The following SLIT3 variants were observed in gnomAD, a reference collection of about 807,000 sequenced individuals.
SLIT3 encodes slit guidance ligand 3.
Under a neutral mutation model 184.0 loss-of-function variants are expected in SLIT3, and 68 were observed. That is an observed-to-expected ratio of 0.37 (90% CI 0.30 to 0.45). The LOEUF (loss-of-function observed/expected upper bound fraction) is 0.45. Among genes scored for constraint, SLIT3 ranks in the 20% least tolerant of loss-of-function variants. The pLI, the probability that SLIT3 is intolerant of heterozygous loss-of-function variation, is 1.00. For missense variants in SLIT3, 1,707 were observed against 2,026.0 expected (o/e 0.84, Z 3.02); for synonymous variants, 831 against 828.6 (o/e 1.00, Z -0.05).
intron 12 of SLIT3, among the ~76,000 whole-genome samples, chr5:168,779,037 G>A (rs2113556393): frequency 6.6e-6 from 1 of 152,344 alleles, no homozygotes; most frequent in East Asian, 1.9e-4. Flanking sequence ...ACAGCCACCA[G>A]GTGAACAGCA....
chr5:168,890,854 A>C (rs1205048861), intron 4 of SLIT3, among the ~76,000 whole-genome samples: 1 of 152,226 alleles, frequency 6.6e-6, no homozygotes, highest in African/African-American at 2.4e-5. Flanking sequence ...AAACCTACTG[A>C]ATCAGAAACC....
intron 4 of SLIT3, among the ~76,000 whole-genome samples, chr5:169,021,823 A>G (rs1015903433): frequency 3.3e-5 from 5 of 152,222 alleles, no homozygotes; most frequent in African/African-American, 1.2e-4. Flanking sequence ...TCAAAATTCT[A>G]GACCTGCGTT....
At chr5:168,933,262 G>A (rs1041613318) in intron 4 of SLIT3, among the ~76,000 whole-genome samples, 11 of 152,354 alleles carry the variant, frequency 7.2e-5, no homozygotes, top group African/African-American at 2.6e-4. Flanking sequence ...AGCCAGAGGA[G>A]GCTGGGCGCG....
At chr5:168,702,576 C>G (rs558618189) in intron 26 of SLIT3, among the ~76,000 whole-genome samples, 1 of 152,210 alleles carries the variant, frequency 6.6e-6, no homozygotes, top group East Asian at 1.9e-4. Context: ...GTTTTTACCA[C>G]TTATGAAATG....
Position 168,772,780 on chromosome 5 carries a change from C to T in SLIT3, c.1459+1G>A. ...GGGGCCCAGCCCCGTAACCTGATTA[C>T]CTGAGCAGCGGAACTTCTTGCTCTT... On this transcript the variant is annotated splice_donor_variant, in intron 14 of 35. Transcript: ENST00000519560. LOFTEE classifies it high-confidence loss of function. 6.2e-7 allele frequency: 1 copy of T among 1,614,196 alleles called. No individual in the cohort carries two copies.
intron 4 of SLIT3, among the ~76,000 whole-genome samples, chr5:169,037,501 C>T (rs989376448): frequency 6.6e-6 from 1 of 152,238 alleles, no homozygotes; most frequent in South Asian, 2.1e-4. Flanking sequence ...TTTCCCTCCA[C>T]CTCCACTAAT....
chr5:168,856,951 C>T (rs914577729), intron 5 of SLIT3, among the ~76,000 whole-genome samples: 5 of 151,946 alleles, frequency 3.3e-5, no homozygotes, highest in Admixed American at 2.6e-4. Context: ...GGGTGGGCTA[C>T]GGACGTGCGA....
intron 14 of SLIT3, among the ~76,000 whole-genome samples, chr5:168,765,080 G>A (rs1293322098): frequency 6.6e-6 from 1 of 152,172 alleles, no homozygotes; most frequent in African/African-American, 2.4e-5. Flanking sequence ...CTTGCAAAGC[G>A]AAGGAACCCT....
intron 4 of SLIT3, chr5:169,026,667 GA>G (rs1264814068): frequency 6.6e-6 from 1 of 152,118 alleles, no homozygotes; most frequent in Non-Finnish European, 1.5e-5. Context: ...TGTATATAAG[GA>G]AAAGAGTAGA....
At chr5:169,269,490 C>A (rs923715325) in intron 1 of SLIT3, among the ~76,000 whole-genome samples, 1 of 152,254 alleles carries the variant, frequency 6.6e-6, no homozygotes, top group African/African-American at 2.4e-5. Context: ...CATTCCAAGC[C>A]CCATGACTTT....
intron 1 of SLIT3, among the ~76,000 whole-genome samples, chr5:169,276,740 G>A (rs894587039): frequency 6.6e-6 from 1 of 152,206 alleles, no homozygotes; most frequent in African/African-American, 2.4e-5. Flanking sequence ...TATGTTCCCA[G>A]TAAGGCTTGA....
chr5:168,708,351 T>C (rs985061921), intron 25 of SLIT3: 7 of 568,078 alleles, frequency 1.2e-5, no homozygotes, highest in African/African-American at 1.1e-4. Flanking sequence ...AATCAATTAC[T>C]GTAATTAGCC....
chr5:168,671,281 C>T lies in SLIT3; in HGVS notation c.4044G>A (p.Lys1348=). 2 of 1,613,774 alleles carry T rather than the reference C, an allele frequency of 1.2e-6. No individual in the cohort carries two copies. The highest frequency in any genetic ancestry group is 2.2e-5 in the East Asian group (1 of 44,868). Residue 1348 remains lysine, a synonymous_variant, in exon 34 of 36, where the codon AAG becomes AAA. Coordinates refer to ENST00000519560, the MANE Select transcript of SLIT3 (RefSeq NM_003062.4). The part of the protein sequence containing the change: ...CKHGLCRSVE[K]DSVVCECRPG... ...GGCGGCACTCGCACACCACGCTGTC[C>T]TTCTCCACGGAGCGGCACAGGCCGT...
intron 1 of SLIT3, among the ~76,000 whole-genome samples, chr5:169,295,593 C>G (rs1424051464): frequency 6.6e-6 from 1 of 152,224 alleles, no homozygotes; most frequent in South Asian, 2.1e-4. Flanking sequence ...CAATTCAAAC[C>G]CACAGTCGTC....
chr5:168,811,915 T>C (rs988377642), intron 8 of SLIT3, among the ~76,000 whole-genome samples: 2 of 152,208 alleles, frequency 1.3e-5, no homozygotes, highest in Admixed American at 6.5e-5. Flanking sequence ...TGCACTCCCA[T>C]GTTCATTGCA....
intron 26 of SLIT3, among the ~76,000 whole-genome samples, chr5:168,705,750 G>A (rs912876298): frequency 2.6e-5 from 4 of 152,204 alleles, no homozygotes; most frequent in Non-Finnish European, 5.9e-5. Context: ...TGACGGTCAG[G>A]TCATGCTTCA....
intron 4 of SLIT3, among the ~76,000 whole-genome samples, chr5:168,939,149 C>T (rs1762255317): frequency 6.6e-6 from 1 of 152,202 alleles, no homozygotes; most frequent in African/African-American, 2.4e-5. Flanking sequence ...GCAGACAAAG[C>T]AGCACCAGGT....
chr5:168,905,926 T>A (rs1001061162), intron 4 of SLIT3, among the ~76,000 whole-genome samples: 1 of 152,080 alleles, frequency 6.6e-6, no homozygotes, highest in African/African-American at 2.4e-5. Context: ...CATTCTGGAG[T>A]GCCAGGAAGC....
At chr5:168,711,479 A>T (rs1762557953) in intron 24 of SLIT3, among the ~76,000 whole-genome samples, 1 of 152,012 alleles carries the variant, frequency 6.6e-6, no homozygotes, top group Non-Finnish European at 1.5e-5. Context: ...CCACTTGGCT[A>T]GACTTTCATC....
Sources: allele counts gnomAD v4.1 joint callset (sites outside exome capture counted in the v4.1 genomes callset), GRCh38; gene constraint gnomAD v4.1.1; transcripts MANE v1.5; gene names NCBI Gene and HGNC (gene_info 2026-07-23, HGNC 2026-07-21).